Variants in RUVBL1 observed in about 807,000 individuals in gnomAD.
The protein encoded by RUVBL1 is ruvB-like 1.
RUVBL1 carries 4 observed loss-of-function variants against 52.4 expected under a neutral mutation model. The observed-to-expected ratio is 0.08, with a 90% CI of 0.04 to 0.17. The LOEUF (loss-of-function observed/expected upper bound fraction) is 0.17, where lower values mean the gene tolerates loss of function less well. RUVBL1 is among the 10% of genes least tolerant of loss of function. RUVBL1 has a pLI of 1.00. For synonymous variants in RUVBL1, 217 were observed against 214.4 expected (o/e 1.01, Z -0.10); for missense variants, 298 against 572.8 (o/e 0.52, Z 4.90).
At chr3:128,117,912 C>A (rs1559826607) in intron 2 of RUVBL1, among the ~76,000 whole-genome samples, 1 of 152,066 alleles carries the variant, frequency 6.6e-6, no homozygotes, top group African/African-American at 2.4e-5. Context: ...TTCTCAAAAA[C>A]AACAGAAGCC....
At chr3:128,071,743 CA>C (rs1942172930) in intron 9 of RUVBL1, 2 of 152,674 alleles carry the variant, frequency 1.3e-5, no homozygotes, top group Admixed American at 1.3e-4. Flanking sequence ...CAGTGAGGCG[CA>C]AAGCTTGGTT....
intron 2 of RUVBL1, among the ~76,000 whole-genome samples, chr3:128,114,959 T>C (rs1943486033): frequency 6.6e-6 from 1 of 151,630 alleles, no homozygotes; most frequent in Admixed American, 6.6e-5. Flanking sequence ...CTTTAACTAA[T>C]ACAGAAGAGA....
At chr3:128,075,746 G>GC (rs1942297557) in intron 9 of RUVBL1, 1 of 152,230 alleles carries the variant, frequency 6.6e-6, no homozygotes, top group Non-Finnish European at 1.5e-5. Context: ...GACTCTGTGC[G>GC]CGTCCGCCCA....
At chr3:128,113,488 T>C (rs1486874742) in intron 2 of RUVBL1, among the ~76,000 whole-genome samples, 1 of 152,198 alleles carries the variant, frequency 6.6e-6, no homozygotes, top group African/African-American at 2.4e-5. Flanking sequence ...CCAAAATCCA[T>C]GGATGTTCAA....
At position 128,082,244 on chromosome 3, in the gene RUVBL1, C is replaced by T. The variant is rs1942496927; in HGVS notation, c.1211+239G>A. On this transcript the variant is annotated intron_variant, in intron 10 of 10. Transcript: ENST00000322623. The surrounding 1 kb of genome is among the most constrained non-coding windows in gnomAD (Gnocchi z 4.7). ...GGCCCAGGGTCAAAGCACTCTCCAC[C>T]AGAGGGGAGCATCTGCTGCAGGACA... 1 of 497,936 alleles carries T rather than the reference C, an allele frequency of 2.0e-6. No homozygotes were observed. 30.8% of individuals were successfully genotyped at this position (497,936 alleles called of 1,614,324 possible). A position where few individuals can be genotyped will look rare whatever the true frequency, so the allele number is the denominator to read the frequency against.
chr3:128,075,056 T>C (rs1050767990), intron 9 of RUVBL1: 10 of 152,094 alleles, frequency 6.6e-5, no homozygotes, highest in African/African-American at 2.2e-4. Context: ...TGCAATCCTT[T>C]TTTTTTATTC....
intron 9 of RUVBL1, among the ~76,000 whole-genome samples, chr3:128,087,196 T>G (rs1370796808): frequency 6.6e-6 from 1 of 152,242 alleles, no homozygotes; most frequent in Non-Finnish European, 1.5e-5. Flanking sequence ...ACACAAGCAC[T>G]GGCCTCTTCC....
At chr3:128,150,446 A>ATGAATATATATTCCATATATG (rs1944168415) in intron 1 of RUVBL1, among the ~76,000 whole-genome samples, 1 of 149,828 alleles carries the variant, frequency 6.7e-6, no homozygotes, top group Non-Finnish European at 1.5e-5. Flanking sequence ...GTATACATAT[A>ATGAATATATATTCCATATATG]TGTATATATA....
chr3:128,117,702 T>A (rs1943559048), intron 2 of RUVBL1, among the ~76,000 whole-genome samples: 1 of 151,552 alleles, frequency 6.6e-6, no homozygotes, highest in Non-Finnish European at 1.5e-5. Context: ...TACCTCTGCC[T>A]CCCAGGTTCA....
At chr3:128,103,889 T>C (rs1236132911) in intron 4 of RUVBL1, among the ~76,000 whole-genome samples, 1 of 152,198 alleles carries the variant, frequency 6.6e-6, no homozygotes, top group Non-Finnish European at 1.5e-5. Context: ...ATAATGATAA[T>C]ATTTATTAAT....
intron 1 of RUVBL1, among the ~76,000 whole-genome samples, chr3:128,151,697 C>T (rs1944218408): frequency 6.6e-6 from 1 of 152,090 alleles, no homozygotes; most frequent in Non-Finnish European, 1.5e-5. Context: ...ATCTAACCTC[C>T]CAAACGTCCC....
At chr3:128,098,310 A>C (rs1478971512) in intron 7 of RUVBL1, among the ~76,000 whole-genome samples, 2 of 152,246 alleles carry the variant, frequency 1.3e-5, no homozygotes, top group African/African-American at 4.8e-5. Context: ...CAACTCGAAC[A>C]GAAAGGTCTC....
exon 10 of RUVBL1, chr3:128,065,214 A>G (rs572236785): frequency 1.3e-6 from 1 of 741,478 alleles, no homozygotes; most frequent in Non-Finnish European, 2.4e-6. Flanking sequence ...TCATTGAGTC[A>G]TGGGACCTGC....
At chr3:128,099,977 G>A (rs979156817) in intron 6 of RUVBL1, among the ~76,000 whole-genome samples, 2 of 152,202 alleles carry the variant, frequency 1.3e-5, no homozygotes, top group African/African-American at 2.4e-5. Context: ...GGTCCAAGAT[G>A]AGTCTTCAGT....
chr3:128,110,388 T>C (rs1168030652), intron 3 of RUVBL1, among the ~76,000 whole-genome samples: 7 of 152,094 alleles, frequency 4.6e-5, no homozygotes, highest in Admixed American at 2.0e-4. Context: ...CCCCAGCTAC[T>C]TGGGAGGCTG....
At chr3:128,139,981 T>C (rs1484322518) in intron 1 of RUVBL1, among the ~76,000 whole-genome samples, 1 of 152,158 alleles carries the variant, frequency 6.6e-6, no homozygotes, top group Non-Finnish European at 1.5e-5. Context: ...AGCGTGACTA[T>C]AGTCAACAAT....
chr3:128,084,730 C>A (rs532747832), intron 9 of RUVBL1: 5 of 152,198 alleles, frequency 3.3e-5, no homozygotes, highest in African/African-American at 1.2e-4. Context: ...ATGAGGGTGT[C>A]GGCTTGGATT....
intron 1 of RUVBL1, among the ~76,000 whole-genome samples, chr3:128,150,480 C>T (rs886318600): frequency 2.8e-5 from 4 of 145,208 alleles, no homozygotes; most frequent in African/African-American, 1.0e-4. Context: ...TATATATATT[C>T]CATTATATAT....
Position 128,082,849 on chromosome 3 carries a change from G to A in RUVBL1, c.1120-275C>T. ...TGGCTGGTGCCCAAGGAGGTATGCA[G>A]CTTCCCAAGTGGCTCACTCTTGCCT... On this transcript the variant is annotated intron_variant, in intron 9 of 10. Coordinates refer to ENST00000322623, the MANE Select transcript of RUVBL1 (RefSeq NM_003707.3). This position sits in a 1 kb window ranked among gnomAD's most constrained non-coding sequence, Gnocchi z 4.7. 3.2e-6 allele frequency: 1 copy of A among 310,798 alleles called. No homozygotes were observed. 19.3% of individuals were successfully genotyped at this position (310,798 alleles called of 1,614,324 possible).
Sources: allele counts gnomAD v4.1 joint callset (sites outside exome capture counted in the v4.1 genomes callset), GRCh38; gene constraint gnomAD v4.1.1; non-coding constraint Gnocchi (gnomAD v3.1); transcripts MANE v1.5; gene names NCBI Gene and HGNC (gene_info 2026-07-23, HGNC 2026-07-21).